ANXA5: variants seen among roughly 807,000 people sequenced by gnomAD.
The protein encoded by ANXA5 is CBP-I.
Under a neutral mutation model 48.1 loss-of-function variants are expected in ANXA5, and 40 were observed. The ratio of observed to expected loss-of-function variants is 0.83; its 90% confidence interval spans 0.65 to 1.08. The LOEUF is 1.08. Ranked by LOEUF, ANXA5 falls within the 50% of genes least tolerant of loss-of-function variation. The pLI is 0.00. For synonymous variants in ANXA5, 113 were observed against 129.1 expected (o/e 0.88, Z 0.85); for missense variants, 357 against 376.8 (o/e 0.95, Z 0.44).
chr4:121,676,601 CA>C (rs1182952346), intron 8 of ANXA5, among the ~76,000 whole-genome samples: 1 of 147,976 alleles, frequency 6.8e-6, no homozygotes, highest in East Asian at 2.0e-4. Context: ...ACTGACAGCT[CA>C]GGGGGCCCAG....
At chr4:121,689,454 C>T (rs1387471685) in intron 2 of ANXA5, among the ~76,000 whole-genome samples, 1 of 152,088 alleles carries the variant, frequency 6.6e-6, no homozygotes, top group Non-Finnish European at 1.5e-5. Flanking sequence ...CACACAGAGG[C>T]TGGATTAGGG....
chr4:121,681,636 G>T, intron 6 of ANXA5, 35 bp downstream of exon 6: 1 of 1,408,398 alleles, frequency 7.1e-7, no homozygotes, highest in Non-Finnish European at 1.0e-6. Flanking sequence ...AGTGATAGTG[G>T]AGGTGAAGTC....
Position 121,668,356 on chromosome 4 carries a change from A to T in ANXA5, c.*112T>A. 1 of 880,530 alleles carries T rather than the reference A, an allele frequency of 1.1e-6. No individual in the cohort carries two copies. Among genetic ancestry groups the T allele is most frequent in the Non-Finnish European group, 1.9e-6 (1 of 528,518 alleles). The allele number at this position is 880,530 out of a possible 1,614,324, so 54.5% of individuals were successfully genotyped here. A position where few individuals can be genotyped will look rare whatever the true frequency, so the allele number is the denominator to read the frequency against. Reference sequence around the variant, plus strand: ...TGTATGTGTTGGTCATGAGCATGCTAGTATGAATAAGGCAATGTGTTAAGC... The same window carrying T: ...TGTATGTGTTGGTCATGAGCATGCTTGTATGAATAAGGCAATGTGTTAAGC... On this transcript the variant is annotated 3_prime_UTR_variant, in exon 13 of 13. Coordinates refer to ENST00000296511, the MANE Select transcript of ANXA5 (RefSeq NM_001154.4).
At chr4:121,678,602 G>T in intron 6 of ANXA5, 108 bp from the exon 7 acceptor site, 1 of 908,526 alleles carries the variant, frequency 1.1e-6, no homozygotes, top group South Asian at 1.6e-5. Context: ...AATTATATTT[G>T]GTTAACATAA....
chr4:121,687,697 C>CA (rs1724917017), intron 2 of ANXA5, among the ~76,000 whole-genome samples: 1 of 152,168 alleles, frequency 6.6e-6, no homozygotes, highest in Admixed American at 6.5e-5. Context: ...GGCATAGTGT[C>CA]AAAGGTCAGT....
intron 2 of ANXA5, among the ~76,000 whole-genome samples, chr4:121,688,013 G>C (rs1380185785): frequency 6.6e-6 from 1 of 152,146 alleles, no homozygotes; most frequent in Non-Finnish European, 1.5e-5. Flanking sequence ...CGGTAAATAG[G>C]AGGTAGAGCC....
chr4:121,687,357 T>C (rs575026017), intron 2 of ANXA5, among the ~76,000 whole-genome samples: 1 of 152,084 alleles, frequency 6.6e-6, no homozygotes, highest in Admixed American at 6.6e-5. Flanking sequence ...TCATAAGGCT[T>C]TATTAATACT....
At position 121,678,504 on chromosome 4, in the gene ANXA5, A is replaced by C. The variant is rs1214715701; in HGVS notation, c.395-10T>G. The C allele has an allele frequency of 4.3e-6, 7 of 1,609,378 alleles. No homozygotes were observed. Among genetic ancestry groups the C allele is most frequent in the Non-Finnish European group, 5.9e-6 (7 of 1,176,678 alleles). ...AGGCTTGAGCCATATTCTGCAACAAAATAATTTCATACTTATTTACATCTT... is the reference window on the plus strand; with the variant it reads ...AGGCTTGAGCCATATTCTGCAACAACATAATTTCATACTTATTTACATCTT... On this transcript the variant is annotated splice_polypyrimidine_tract_variant and intron_variant, in intron 6 of 12. Transcript: ENST00000296511.
At chr4:121,675,925 T>C (rs1250460083) in intron 8 of ANXA5, among the ~76,000 whole-genome samples, 1 of 152,208 alleles carries the variant, frequency 6.6e-6, no homozygotes, top group Non-Finnish European at 1.5e-5. Context: ...TGTTTTCCCC[T>C]CAGGAGCCTC....
intron 2 of ANXA5, among the ~76,000 whole-genome samples, chr4:121,690,816 T>C (rs1724970270): frequency 6.6e-6 from 1 of 152,212 alleles, no homozygotes; most frequent in East Asian, 1.9e-4. Flanking sequence ...TTGAGAGCTT[T>C]CTAGAAATTG....
At position 121,684,686 on chromosome 4, in the gene ANXA5, CAG is replaced by C. The variant is rs770983977; in HGVS notation, c.178_179del (p.Leu60ValfsTer8). 17 of 1,613,700 alleles carry C rather than the reference CAG, an allele frequency of 1.1e-5. No homozygotes were observed. Among genetic ancestry groups the C allele is most frequent in the East Asian group, 2.2e-5 (1 of 44,892 alleles). Reference sequence around the variant, plus strand: ...TGAAGTGTGGTCTTACCCTGCCAAACAGAGTCTTAAAAGCTGCAGAGATTTCC... The same window carrying C: ...TGAAGTGTGGTCTTACCCTGCCAAACAGTCTTAAAAGCTGCAGAGATTTCC... The part of the protein sequence containing the change: ...RQEISAAFKT[L>X]FGRDLLDDLK... On this transcript the variant is annotated frameshift_variant, in exon 4 of 13. Coordinates refer to ENST00000296511, the MANE Select transcript of ANXA5 (RefSeq NM_001154.4). LOFTEE classifies it high-confidence loss of function.
chr4:121,677,091 T>A (rs1455351184), intron 8 of ANXA5, among the ~76,000 whole-genome samples: 1 of 152,184 alleles, frequency 6.6e-6, no homozygotes, highest in African/African-American at 2.4e-5. Context: ...CTCTCCTCTT[T>A]CCTGTTAGCA....
intron 2 of ANXA5, 144 bp downstream of exon 2, chr4:121,696,436 GA>G (rs1560591903): frequency 9.2e-6 from 7 of 761,298 alleles, no homozygotes; most frequent in Non-Finnish European, 1.1e-5. Flanking sequence ...AGCAAAGGGG[GA>G]ACAAGAAAAG....
chr4:121,684,565 G>A, intron 4 of ANXA5, 112 bp downstream of exon 4: 1 of 884,278 alleles, frequency 1.1e-6, no homozygotes. Context: ...AAGTAGGGAA[G>A]TCGGAATCAC....
Position 121,683,411 on chromosome 4 carries a change from T to C in ANXA5, c.256A>G (p.Lys86Glu). Reference sequence around the variant, plus strand: ...TAAGCATCATAAAGCCGAGAGGGTTTCATCAGAGCCACAATTAATTTTTCA... The same window carrying C: ...TAAGCATCATAAAGCCGAGAGGGTTCCATCAGAGCCACAATTAATTTTTCA... ...KFEKLIVALM[K>E]PSRLYDAYEL... Residue 86 changes from lysine to glutamate, a missense_variant, in exon 5 of 13, where the codon AAA becomes GAA. By Grantham distance (56) the Lys-to-Glu change is moderately conservative (BLOSUM62 1). Transcript: ENST00000296511. The C allele has an allele frequency of 6.2e-7, 1 of 1,611,298 alleles. No homozygotes were observed. The highest frequency in any genetic ancestry group is 8.5e-7 in the Non-Finnish European group (1 of 1,178,406).
At chr4:121,671,397 C>A in intron 10 of ANXA5, 150 bp downstream of exon 10, 1 of 580,036 alleles carries the variant, frequency 1.7e-6, no homozygotes, top group Non-Finnish European at 3.1e-6. Flanking sequence ...AAATAAATTT[C>A]TGAATTGGAA....
At chr4:121,683,839 GACA>G (rs1341239688) in intron 4 of ANXA5, among the ~76,000 whole-genome samples, 6 of 151,674 alleles carry the variant, frequency 4.0e-5, no homozygotes, top group Admixed American at 2.6e-4. Flanking sequence ...ATTTACAAAG[GACA>G]ACATTTAGTC....
intron 4 of ANXA5, 40 bp downstream of exon 4, chr4:121,684,637 C>G (rs776452376): frequency 8.5e-6 from 13 of 1,526,374 alleles, no homozygotes; most frequent in Non-Finnish European, 9.1e-7. Context: ...TAACTGATAG[C>G]TGTTCTCCCA....
At chr4:121,695,341 C>T (rs1221879961) in intron 2 of ANXA5, among the ~76,000 whole-genome samples, 3 of 152,194 alleles carry the variant, frequency 2.0e-5, no homozygotes, top group Non-Finnish European at 4.4e-5. Flanking sequence ...TCTTAATCCT[C>T]CCATTTTCAC....
Sources: allele counts gnomAD v4.1 joint callset (sites outside exome capture counted in the v4.1 genomes callset), GRCh38; gene constraint gnomAD v4.1.1; transcripts MANE v1.5; gene names NCBI Gene and HGNC (gene_info 2026-07-23, HGNC 2026-07-21).